KCNJ3: variants seen among roughly 807,000 people sequenced by gnomAD.
KCNJ3 encodes the protein G protein-activated inward rectifier potassium channel 1.
In KCNJ3, 4 loss-of-function variants were observed where a neutral mutation model predicts 39.2. The ratio of observed to expected loss-of-function variants is 0.10; its 90% CI spans 0.05 to 0.23. The LOEUF is 0.23. Ranked by LOEUF, KCNJ3 falls within the 10% of genes least tolerant of loss-of-function variation. The probability of loss-of-function intolerance (pLI) is 1.00; values close to 1 mark genes in which losing one functional copy is unlikely to be tolerated. For synonymous variants in KCNJ3, 230 were observed against 237.4 expected (o/e 0.97, Z 0.29); for missense variants, 276 against 634.9 (o/e 0.43, Z 6.08).
intron 2 of KCNJ3, among the ~76,000 whole-genome samples, chr2:154,816,899 G>A (rs1245348952): frequency 2.0e-5 from 3 of 152,128 alleles, no homozygotes; most frequent in South Asian, 4.1e-4. Context: ...TTTCTCATTG[G>A]CCTTTACATT....
At chr2:154,842,175 T>C (rs1687587982) in intron 2 of KCNJ3, among the ~76,000 whole-genome samples, 1 of 152,228 alleles carries the variant, frequency 6.6e-6, no homozygotes, top group Non-Finnish European at 1.5e-5. Flanking sequence ...AACATCTTTA[T>C]TTCTGCCTTC....
At chr2:154,840,314 G>C (rs949171602) in intron 2 of KCNJ3, among the ~76,000 whole-genome samples, 2 of 152,028 alleles carry the variant, frequency 1.3e-5, no homozygotes, top group Non-Finnish European at 2.9e-5. Flanking sequence ...TGTTTTGGTA[G>C]CAGTACCATG....
intron 2 of KCNJ3, among the ~76,000 whole-genome samples, chr2:154,804,392 T>A (rs1274639089): frequency 2.6e-5 from 4 of 152,168 alleles, no homozygotes; most frequent in African/African-American, 9.6e-5. Context: ...GTCACTTGAT[T>A]TTCTTGTCAG....
At chr2:154,807,389 C>T (rs1468736131) in intron 2 of KCNJ3, among the ~76,000 whole-genome samples, 1 of 152,154 alleles carries the variant, frequency 6.6e-6, no homozygotes. Flanking sequence ...TAGTCGTTCA[C>T]CCAATGTGTG....
At chr2:154,783,776 T>C (rs1306419394) in intron 2 of KCNJ3, among the ~76,000 whole-genome samples, 3 of 152,172 alleles carry the variant, frequency 2.0e-5, no homozygotes, top group Admixed American at 6.5e-5. Flanking sequence ...GTGTTTCTTC[T>C]CTATATAAGA....
chr2:154,783,859 A>G (rs1174842784), intron 2 of KCNJ3, among the ~76,000 whole-genome samples: 1 of 152,232 alleles, frequency 6.6e-6, no homozygotes, highest in African/African-American at 2.4e-5. Flanking sequence ...TGTATGCTGC[A>G]ACCTTAGAAT....
chr2:154,721,609 T>A (rs1237697354), intron 2 of KCNJ3, among the ~76,000 whole-genome samples: 4 of 152,138 alleles, frequency 2.6e-5, no homozygotes, highest in African/African-American at 7.2e-5. Flanking sequence ...ACTTTTTTTT[T>A]AATAGTGGAA....
intron 2 of KCNJ3, among the ~76,000 whole-genome samples, chr2:154,824,572 T>C (rs1687237983): frequency 6.6e-6 from 1 of 152,198 alleles, no homozygotes; most frequent in East Asian, 1.9e-4. Flanking sequence ...ATTGAGGTTC[T>C]ACCACTGAAA....
chr2:154,761,341 A>G (rs1431372375), intron 2 of KCNJ3, among the ~76,000 whole-genome samples: 3 of 152,146 alleles, frequency 2.0e-5, no homozygotes, highest in African/African-American at 7.2e-5. Context: ...ATGTATATCT[A>G]TGCCTATATC....
chr2:154,746,073 C>T (rs781307479), intron 2 of KCNJ3, among the ~76,000 whole-genome samples: 1 of 151,740 alleles, frequency 6.6e-6, no homozygotes, highest in Non-Finnish European at 1.5e-5. Context: ...TCAACTTGAA[C>T]ATGACAAGAA....
At chr2:154,835,786 T>A (rs568587512) in intron 2 of KCNJ3, among the ~76,000 whole-genome samples, 1 of 152,240 alleles carries the variant, frequency 6.6e-6, no homozygotes, top group South Asian at 2.1e-4. Context: ...TTTTATATCT[T>A]ACTATCATTC....
chr2:154,834,022 G>T (rs773281377), intron 2 of KCNJ3, among the ~76,000 whole-genome samples: 1 of 152,100 alleles, frequency 6.6e-6, no homozygotes, highest in Non-Finnish European at 1.5e-5. Flanking sequence ...GGACATAACT[G>T]TCCAGTTAAA....
chr2:154,742,866 T>A (rs1685675478), intron 2 of KCNJ3, among the ~76,000 whole-genome samples: 1 of 151,794 alleles, frequency 6.6e-6, no homozygotes, highest in South Asian at 2.1e-4. Context: ...GCAAAAAAAA[T>A]TAAGTTTTCA....
chr2:154,744,036 A>G lies in KCNJ3; in HGVS notation c.919+34217A>G, dbSNP rs1685696528. On this transcript the variant is annotated intron_variant, in intron 2 of 2. Transcript: ENST00000295101. ...GTATTCCTATTTTCTATATGTTTTT[A>G]TTATGAATGGATATTGAATTCTGTT... Among the ~76,000 whole-genome samples, 6 of 151,766 alleles carry G rather than the reference A, an allele frequency of 4.0e-5. No individual in the cohort carries two copies. In the South Asian group the frequency reaches 1.0e-3, roughly 26 times the overall value.
intron 2 of KCNJ3, among the ~76,000 whole-genome samples, chr2:154,723,440 G>C (rs1483622570): frequency 6.6e-6 from 1 of 152,140 alleles, no homozygotes; most frequent in African/African-American, 2.4e-5. Context: ...ATAGCTGAGA[G>C]AGCCAGACTT....
At chr2:154,762,735 A>C (rs1686066675) in intron 2 of KCNJ3, among the ~76,000 whole-genome samples, 1 of 152,200 alleles carries the variant, frequency 6.6e-6, no homozygotes, top group African/African-American at 2.4e-5. Context: ...CACATGAAGG[A>C]AGGAGAACTG....
At chr2:154,813,139 T>C (rs1307258219) in intron 2 of KCNJ3, among the ~76,000 whole-genome samples, 1 of 152,198 alleles carries the variant, frequency 6.6e-6, no homozygotes, top group Non-Finnish European at 1.5e-5. Flanking sequence ...AAGAGTTTCA[T>C]TCATAACTTA....
intron 2 of KCNJ3, among the ~76,000 whole-genome samples, chr2:154,746,603 T>C (rs1331739470): frequency 8.1e-6 from 1 of 123,258 alleles, no homozygotes; most frequent in East Asian, 2.3e-4. Context: ...TGTGTGCGTA[T>C]ACACAGATAT....
At chr2:154,754,108 C>T (rs1319684299) in intron 2 of KCNJ3, among the ~76,000 whole-genome samples, 2 of 152,094 alleles carry the variant, frequency 1.3e-5, no homozygotes, top group Non-Finnish European at 2.9e-5. Context: ...TACAAAGTTC[C>T]CATCTATTCC....
Sources: gnomAD v4.1 joint callset for allele counts (sites outside exome capture counted in the v4.1 genomes callset) on GRCh38, gnomAD v4.1.1 for gene constraint, MANE v1.5 for transcripts, NCBI Gene and HGNC (gene_info 2026-07-23, HGNC 2026-07-21) for gene names.